SANBR: variants seen among roughly 807,000 people sequenced by gnomAD.
SANBR encodes the protein SANT and BTB domain regulator of CSR, also known as SANT and BTB domain regulator of class switch recombination.
In SANBR, 77 loss-of-function variants were observed where a neutral mutation model predicts 101.8. The ratio of observed to expected loss-of-function variants is 0.76; its 90% confidence interval spans 0.63 to 0.91. The LOEUF is 0.91. SANBR is among the 40% of genes least tolerant of loss of function. The pLI is 0.00. For missense variants in SANBR, 875 were observed against 853.0 expected (o/e 1.03, Z -0.32); for synonymous variants, 279 against 274.7 (o/e 1.02, Z -0.15).
intron 6 of SANBR, among the ~76,000 whole-genome samples, chr2:61,078,774 C>T (rs1681930094): frequency 6.6e-6 from 1 of 152,094 alleles, no homozygotes; most frequent in Non-Finnish European, 1.5e-5. Flanking sequence ...CATGGTGGCT[C>T]ACACTGGTAG....
chr2:61,109,759 C>A (rs1472607943), intron 16 of SANBR, among the ~76,000 whole-genome samples: 2 of 144,034 alleles, frequency 1.4e-5, no homozygotes, highest in African/African-American at 5.1e-5. Context: ...ACCTCTACTT[C>A]CTGGGTTCAA....
At chr2:61,116,964 C>T (rs915590188) in intron 17 of SANBR, 5 of 196,374 alleles carry the variant, frequency 2.5e-5, no homozygotes, top group South Asian at 9.5e-5. Context: ...GGCTGAGGTG[C>T]GAGGATCACT....
At position 61,122,133 on chromosome 2, in the gene SANBR, A is replaced by C; in HGVS notation, c.2128A>C (p.Ser710Arg). 1.3e-6 allele frequency: 2 copies of C among 1,550,742 alleles called. No individual in the cohort carries two copies. The highest frequency in any genetic ancestry group is 1.2e-5 in the South Asian group (1 of 83,934). The change falls in exon 22 of 22, where the codon AGT becomes CGT. Residue 710 changes from serine to arginine, a missense_variant. By Grantham distance (110) the Ser-to-Arg change is moderately radical. Transcript: ENST00000402291. ...SSSEKNTRSK[S>R]RFGQGRPA ...TCTGTTTAAAAAATCTAGGTCTAAA[A>C]GTCGTTTTGGTCAAGGGCGTCCTGC... is the stretch of plus-strand genomic sequence containing the variant.
chr2:61,083,997 C>T (rs917102543), intron 8 of SANBR, among the ~76,000 whole-genome samples: 5 of 151,848 alleles, frequency 3.3e-5, no homozygotes, highest in East Asian at 3.9e-4. Context: ...CTCTCTCTGT[C>T]GCCCAGGCTG....
In SANBR at chr2:61,081,453, G is replaced by A. The variant is rs915189671; in HGVS notation, c.672G>A (p.Glu224=). ...ENKDCEMPTL[E]PGNVISILIS... is the part of the protein sequence containing the mutation. ...AATCTAATTTTTTTTTTTTTTTAGA[G>A]CCAGGAAATGTCATTTCAATTCTTA... The change falls in exon 7 of 22, where the codon GAG becomes GAA. Residue 224 remains glutamate (E), a splice_region_variant and synonymous_variant. Transcript: ENST00000402291. 1 of 1,568,746 alleles carries A rather than the reference G, an allele frequency of 6.4e-7. No homozygotes were observed. Among genetic ancestry groups the A allele is most frequent in the Non-Finnish European group, 8.6e-7 (1 of 1,161,474 alleles).
chr2:61,082,954 G>A (rs566036592), intron 7 of SANBR, among the ~76,000 whole-genome samples, 200 bp from the exon 8 acceptor site: 84 of 152,286 alleles, frequency 5.5e-4, no homozygotes, highest in Non-Finnish European at 1.1e-3. Flanking sequence ...TTTTAGGTAT[G>A]TATATATGTT....
intron 5 of SANBR, among the ~76,000 whole-genome samples, chr2:61,075,826 G>A (rs1681735102): frequency 6.6e-6 from 1 of 151,702 alleles, no homozygotes; most frequent in South Asian, 2.1e-4. Flanking sequence ...AAGAATTATA[G>A]CTATTTTTCC....
chr2:61,132,472 A>G (rs1456375383), intron 20 of SANBR, among the ~76,000 whole-genome samples: 2 of 152,222 alleles, frequency 1.3e-5, no homozygotes, highest in East Asian at 3.8e-4. Flanking sequence ...GTGAGATATC[A>G]CTTTAACGCT....
chr2:61,127,298 C>T (rs1341324443), downstream of SANBR, among the ~76,000 whole-genome samples: 1 of 152,098 alleles, frequency 6.6e-6, no homozygotes, highest in African/African-American at 2.4e-5. Flanking sequence ...TAATCTGCAC[C>T]TGTTGGAGTT....
intron 11 of SANBR, among the ~76,000 whole-genome samples, chr2:61,095,089 A>G (rs781344389): frequency 1.3e-5 from 2 of 152,180 alleles, no homozygotes; most frequent in Non-Finnish European, 2.9e-5. Context: ...CCCCCATCTC[A>G]GTAGCAATTG....
chr2:61,095,250 C>G, intron 11 of SANBR, among the ~76,000 whole-genome samples: 1 of 152,186 alleles, frequency 6.6e-6, no homozygotes, highest in East Asian at 1.9e-4. Context: ...TTATTTTCCT[C>G]TCCTTTACAG....
intron 11 of SANBR, 149 bp downstream of exon 11, chr2:61,092,736 C>A: frequency 3.3e-6 from 2 of 607,322 alleles, no homozygotes; most frequent in Admixed American, 3.8e-5. Context: ...CATGGTGGCT[C>A]GTGCCTGTAA....
Position 61,071,762 on chromosome 2 carries a change from C to G in SANBR, c.307C>G (p.Pro103Ala). 2 of 1,601,392 alleles carry G rather than the reference C, an allele frequency of 1.2e-6. No individual in the cohort carries two copies. The highest frequency in any genetic ancestry group is 1.7e-6 in the Non-Finnish European group (2 of 1,176,424). ...LDIHGEFQET[P>A]VGHDAVSKTG... ...CATACATGGAGAATTTCAGGAGACT[C>G]CAGTTGGACATGATGCAGTTTCCAA... The change falls in exon 4 of 22, where the codon CCA becomes GCA. Residue 103 changes from proline (P) to alanine (A), a missense_variant. Physicochemically the swap from Pro to Ala is conservative, Grantham distance 27 (BLOSUM62 -1). Transcript: ENST00000402291.
chr2:61,071,162 T>C (rs1681444120), intron 3 of SANBR, among the ~76,000 whole-genome samples: 1 of 152,204 alleles, frequency 6.6e-6, no homozygotes, highest in African/African-American at 2.4e-5. Flanking sequence ...TTCTAGATGT[T>C]ACTCTGCAGG....
chr2:61,076,122 TA>T (rs1181173169), intron 5 of SANBR, among the ~76,000 whole-genome samples: 5 of 151,324 alleles, frequency 3.3e-5, no homozygotes, highest in Admixed American at 1.3e-4. Flanking sequence ...GCCTCCTAGG[TA>T]GCTGGGACTG....
In SANBR at chr2:61,102,281, CAGG is replaced by C. The variant is rs573389137; in HGVS notation, c.1366-1569_1366-1567del. Among the ~76,000 whole-genome samples the C allele has an allele frequency of 9.1e-4, 130 of 143,252 alleles. 1 individual carries two copies. The highest frequency in any genetic ancestry group is 3.2e-3 in the African/African-American group (124 of 38,400). The allele number at this position is 143,252 out of a possible 152,430, so 94.0% of individuals were successfully genotyped here. A position where few individuals can be genotyped will look rare whatever the true frequency, so the allele number is the denominator to read the frequency against. ...GTCCCAGCTACTTGGGAGGCTGAGG[CAGG>C]AGAATTGCTTGAACCTGGGAGGCGG... On this transcript the variant is annotated intron_variant, in intron 12 of 21. Coordinates refer to ENST00000402291, the MANE Select transcript of SANBR (RefSeq NM_001129993.3).
intron 14 of SANBR, 60 bp downstream of exon 14, chr2:61,106,722 T>C: frequency 9.6e-7 from 1 of 1,037,572 alleles, no homozygotes; most frequent in Non-Finnish European, 1.4e-6. Context: ...CATTTAATCT[T>C]TGACAGGAAC....
chr2:61,091,890 C>T (rs1472665585), intron 10 of SANBR, among the ~76,000 whole-genome samples: 1 of 152,078 alleles, frequency 6.6e-6, no homozygotes, highest in African/African-American at 2.4e-5. Context: ...ATTACCAAGA[C>T]CTGATTGTAT....
chr2:61,083,384 T>A, intron 8 of SANBR, 70 bp downstream of exon 8: 4 of 988,846 alleles, frequency 4.0e-6, no homozygotes, highest in Non-Finnish European at 6.0e-6. Flanking sequence ...TTCATGTGAG[T>A]GAAATATTCT....
Sources: gnomAD v4.1 joint callset for allele counts (sites outside exome capture counted in the v4.1 genomes callset) on GRCh38, gnomAD v4.1.1 for gene constraint, MANE v1.5 for transcripts, NCBI Gene and HGNC (gene_info 2026-07-23, HGNC 2026-07-21) for gene names.